ENTPD7: variants seen among roughly 807,000 people sequenced by gnomAD.
The protein encoded by ENTPD7 is NTPDase 7.
Under a neutral mutation model 77.9 loss-of-function variants are expected in ENTPD7, and 53 were observed. That is an observed-to-expected ratio of 0.68 (90% CI 0.55 to 0.85). ENTPD7 has a LOEUF of 0.85. ENTPD7 is among the 40% of genes least tolerant of loss of function. ENTPD7 has a pLI of 0.00. For synonymous variants in ENTPD7, 248 were observed against 274.9 expected, an observed-to-expected ratio of 0.90 and a Z score of 0.97; for missense variants, 636 against 743.7, an observed-to-expected ratio of 0.86 and a Z score of 1.68.
chr10:99,678,881 T>C (rs2035717843), intron 3 of ENTPD7, among the ~76,000 whole-genome samples: 1 of 148,968 alleles, frequency 6.7e-6, no homozygotes, highest in Non-Finnish European at 1.5e-5. Flanking sequence ...TGATTAAGAT[T>C]GTCTCAGTTA....
At chr10:99,666,211 ATT>A (rs199579101) in intron 3 of ENTPD7, among the ~76,000 whole-genome samples, 2 of 145,026 alleles carry the variant, frequency 1.4e-5, no homozygotes, top group Admixed American at 6.9e-5. Flanking sequence ...CTGCTTTTTA[ATT>A]TTTTTTTTTT....
Position 99,691,532 on chromosome 10 carries a change from T to C in ENTPD7, c.843+14T>C, listed in dbSNP as rs188763532. ...CCTGCAAAGCAGGTACTTTACCTTT[T>C]AGGGAAATTTAGTTGCTAGGAATGC... is the stretch of plus-strand genomic sequence containing the variant. On this transcript the variant is annotated intron_variant, in intron 8 of 12. Coordinates refer to ENST00000370489, the MANE Select transcript of ENTPD7 (RefSeq NM_020354.5). 1.7e-5 allele frequency: 28 copies of C among 1,612,044 alleles called. No individual in the cohort carries two copies. Among genetic ancestry groups the C allele is most frequent in the Non-Finnish European group, 2.4e-5 (28 of 1,179,366 alleles).
chr10:99,667,925 T>C (rs1320825377), intron 3 of ENTPD7, among the ~76,000 whole-genome samples: 2 of 132,430 alleles, frequency 1.5e-5, no homozygotes, highest in Admixed American at 1.8e-4. Context: ...AATGAAATGA[T>C]AATCTTTTTT....
rs2036161771 is a variant in ENTPD7, at chr10:99,702,600, C to T, written c.1510C>T (p.Gln504Ter). Reference protein sequence around the residue: ...PYDYPNLRTAQLVYDREVQWT... With the variant: ...PYDYPNLRTA Reference sequence around the variant, plus strand: ...TGACTACCCAAACCTGCGGACAGCCCAGCTGGTGTATGACCGAGAGGTTCA... The same window carrying T: ...TGACTACCCAAACCTGCGGACAGCCTAGCTGGTGTATGACCGAGAGGTTCA... The change falls in exon 12 of 13, where the codon CAG becomes TAG. Residue 504 changes from glutamine (Q) to a stop codon, truncating the protein, a stop_gained. Transcript: ENST00000370489. LOFTEE classifies it high-confidence loss of function. 3.1e-6 allele frequency: 5 copies of T among 1,613,632 alleles called. No individual in the cohort carries two copies. In the East Asian group the frequency reaches 8.9e-5, roughly 29 times the overall value.
chr10:99,689,168 A>C (rs1439821810), intron 7 of ENTPD7, among the ~76,000 whole-genome samples: 1 of 152,154 alleles, frequency 6.6e-6, no homozygotes, highest in African/African-American at 2.4e-5. Flanking sequence ...ATATATCCAT[A>C]ATGCCATTTT....
intron 3 of ENTPD7, among the ~76,000 whole-genome samples, chr10:99,664,399 T>G (rs990213803): frequency 2.0e-5 from 3 of 152,018 alleles, no homozygotes; most frequent in African/African-American, 7.2e-5. Flanking sequence ...ATGCTGGGAT[T>G]ACAGATGTGA....
chr10:99,688,376 T>C (rs1295797145), intron 6 of ENTPD7, among the ~76,000 whole-genome samples: 1 of 152,242 alleles, frequency 6.6e-6, no homozygotes, highest in African/African-American at 2.4e-5. Flanking sequence ...GGAGACAAGA[T>C]TGCCCAGAAC....
At chr10:99,686,232 T>C (rs1271263214) in intron 6 of ENTPD7, among the ~76,000 whole-genome samples, 1 of 152,180 alleles carries the variant, frequency 6.6e-6, no homozygotes, top group Non-Finnish European at 1.5e-5. Flanking sequence ...TGTATTGAGT[T>C]TGTCAAAGTC....
chr10:99,698,496 C>CAT, intron 9 of ENTPD7, 38 bp from the exon 10 acceptor site: 2 of 1,472,894 alleles, frequency 1.4e-6, no homozygotes, highest in South Asian at 1.2e-5. Flanking sequence ...ACAGGCATGA[C>CAT]GTGTTTGTTT....
chr10:99,670,422 G>T (rs2035606383), intron 3 of ENTPD7, among the ~76,000 whole-genome samples: 1 of 152,100 alleles, frequency 6.6e-6, no homozygotes, highest in African/African-American at 2.4e-5. Context: ...TGGATGCTGG[G>T]TAATTGTTAA....
chr10:99,696,242 C>T lies in ENTPD7; in HGVS notation c.1010+120C>T, dbSNP rs1049845441. 1.7e-5 allele frequency: 20 copies of T among 1,208,052 alleles called. No individual in the cohort carries two copies. The African/African-American group carries it at 2.5e-4, about 15-fold the overall frequency. 74.8% of individuals were successfully genotyped at this position (1,208,052 alleles called of 1,614,324 possible). A position where few individuals can be genotyped will look rare whatever the true frequency, so the allele number is the denominator to read the frequency against. ...CTGCTTCCTCCTTCTTTCTGACTACCCCTGCCAATGGGGTAGCATCTCTTA... is the reference window on the plus strand; with the variant it reads ...CTGCTTCCTCCTTCTTTCTGACTACTCCTGCCAATGGGGTAGCATCTCTTA... On this transcript the variant is annotated intron_variant, in intron 9 of 12. Coordinates refer to ENST00000370489, the MANE Select transcript of ENTPD7 (RefSeq NM_020354.5).
At chr10:99,691,354 T>C (rs772356200) in intron 7 of ENTPD7, 31 bp from the exon 8 acceptor site, 2 of 1,599,318 alleles carry the variant, frequency 1.3e-6, no homozygotes, top group Non-Finnish European at 1.7e-6. Flanking sequence ...TTTTAATTAC[T>C]AGGGCCTTTT....
chr10:99,685,839 A>T lies in ENTPD7; in HGVS notation c.596A>T (p.Glu199Val). The T allele has an allele frequency of 6.2e-7, 1 of 1,613,938 alleles. No homozygotes were observed. Among genetic ancestry groups the T allele is most frequent in the Non-Finnish European group, 8.5e-7 (1 of 1,179,966 alleles). The change falls in exon 6 of 13, where the codon GAG becomes GTG. Residue 199 changes from glutamate to valine, a missense_variant. Glu to Val is a moderately radical substitution (Grantham distance 121). This residue lies in a region of ENTPD7 where 486 missense variants were observed against 556.5 expected (regional missense o/e 0.87). Transcript: ENST00000370489. ...LADLVKDLPL[E>V]FDFLFSQSQA... Reference sequence around the variant, plus strand: ...GACCTAGTGAAAGATTTACCACTGGAGTTTGACTTCCTCTTTTCACAGTCT... The same window carrying T: ...GACCTAGTGAAAGATTTACCACTGGTGTTTGACTTCCTCTTTTCACAGTCT...
At position 99,661,479 on chromosome 10, in the gene ENTPD7, G is replaced by A; in HGVS notation, c.42G>A (p.Trp14Ter). ...TTTCCTACCTCTGCCCAGCCTCCTG[G>A]TACTTCACTGTGCCCACAGTGAGTC... ...ISFSYLCPAS[W>*]YFTVPTVSPF... is the part of the protein sequence containing the mutation. Residue 14 changes from tryptophan to a stop codon, truncating the protein, a stop_gained, in exon 3 of 13, where the codon TGG (tryptophan) becomes TGA (stop). Transcript: ENST00000370489. LOFTEE classifies it high-confidence loss of function. 6.2e-7 allele frequency: 1 copy of A among 1,610,724 alleles called. No individual in the cohort carries two copies. Among genetic ancestry groups the A allele is most frequent in the Non-Finnish European group, 8.5e-7 (1 of 1,178,904 alleles).
rs760954750 is a variant in ENTPD7, at chr10:99,688,709, T to C, written c.668T>C (p.Ile223Thr). Residue 223 changes from isoleucine to threonine, a missense_variant, in exon 7 of 13, where the codon ATT becomes ACT. Physicochemically the swap from Ile to Thr is moderately conservative, Grantham distance 89 (BLOSUM62 -1). Transcript: ENST00000370489. ...TCTTACTTAGGGGTTTATGCATGGA[T>C]TGGAATCAACTTTGTTTTGGGAAGA... is the stretch of plus-strand genomic sequence containing the variant. The part of the protein sequence containing the change: ...SGKQEGVYAW[I>T]GINFVLGRFD... 1 of 1,613,982 alleles carries C rather than the reference T, an allele frequency of 6.2e-7. No individual in the cohort carries two copies. The highest frequency in any genetic ancestry group is 8.5e-7 in the Non-Finnish European group (1 of 1,179,912).
rs1329928287 is a variant in ENTPD7, at chr10:99,708,761, G to T, written c.*4078G>T. ...TGGTCAACCCCCTTGATTTATATGG[G>T]TGATAAAACTGAGGCCTAGAGCAGT... On this transcript the variant is annotated 3_prime_UTR_variant, in exon 13 of 13. Transcript: ENST00000370489. The T allele has an allele frequency of 3.4e-6, 3 of 879,900 alleles. No homozygotes were observed. Among genetic ancestry groups the T allele is most frequent in the East Asian group, 1.2e-4 (1 of 8,298 alleles). The allele number at this position is 879,900 out of a possible 1,614,324, so 54.5% of individuals were successfully genotyped here.
chr10:99,679,012 G>A (rs557837221), intron 3 of ENTPD7, among the ~76,000 whole-genome samples: 30 of 151,610 alleles, frequency 2.0e-4, no homozygotes, highest in South Asian at 8.4e-4. Flanking sequence ...CAGTTTCAGA[G>A]CTGCCCCCAC....
chr10:99,698,127 A>T (rs1157392618), intron 9 of ENTPD7, among the ~76,000 whole-genome samples: 1 of 152,132 alleles, frequency 6.6e-6, no homozygotes, highest in Non-Finnish European at 1.5e-5. Context: ...TCTGCTCTTC[A>T]GGAATCTCTC....
In ENTPD7 at chr10:99,693,917, C is replaced by CA. The variant is rs201005977; in HGVS notation, c.844-2025dup. 9.9e-3 allele frequency among the ~76,000 whole-genome samples: 1,151 copies of CA among 115,958 alleles called. 8 individuals carry two copies. Among genetic ancestry groups the CA allele is most frequent in the African/African-American group, 0.024 (737 of 31,044 alleles). The allele number at this position is 115,958 out of a possible 152,430, so 76.1% of individuals were successfully genotyped here. ...TGGGTGACAGAGTGAGACCCCATCT[C>CA]AAAAAAAAAAAAAATAGTAACTACA... On this transcript the variant is annotated intron_variant, in intron 8 of 12. Coordinates refer to ENST00000370489, the MANE Select transcript of ENTPD7 (RefSeq NM_020354.5).
Sources: allele counts gnomAD v4.1 joint callset (sites outside exome capture counted in the v4.1 genomes callset), GRCh38; gene constraint gnomAD v4.1.1; regional missense constraint gnomAD v4.1.1; transcripts MANE v1.5; gene names NCBI Gene and HGNC (gene_info 2026-07-23, HGNC 2026-07-21).